Variants in SDK1 observed in about 807,000 individuals in gnomAD.
SDK1 encodes the protein protein sidekick-1.
Under a neutral mutation model 245.5 loss-of-function variants are expected in SDK1, and 157 were observed. That is an observed-to-expected ratio of 0.64 (90% CI 0.56 to 0.73). The LOEUF (loss-of-function observed/expected upper bound fraction) is 0.73, where lower values mean the gene tolerates loss of function less well. Among genes scored for constraint, SDK1 ranks in the 30% least tolerant of loss-of-function variants. SDK1 has a pLI of 0.00. For missense variants in SDK1, 3,583 were observed against 3,002.3 expected, an observed-to-expected ratio of 1.19 and a Z score of -4.52; for synonymous variants, 1,647 against 1,278.5, an observed-to-expected ratio of 1.29 and a Z score of -6.15.
At chr7:3,476,310 T>C (rs976606613) in intron 1 of SDK1, among the ~76,000 whole-genome samples, 1 of 152,192 alleles carries the variant, frequency 6.6e-6, no homozygotes, top group South Asian at 2.1e-4. Flanking sequence ...TGTTTATACA[T>C]AGACAATATT....
At chr7:3,669,411 T>TG (rs1311628031) in intron 4 of SDK1, among the ~76,000 whole-genome samples, 1 of 152,214 alleles carries the variant, frequency 6.6e-6, no homozygotes, top group African/African-American at 2.4e-5. Context: ...GATCTACTTC[T>TG]GCTCCCACCA....
At chr7:3,628,125 G>T (rs1392029356) in intron 2 of SDK1, among the ~76,000 whole-genome samples, 5 of 151,998 alleles carry the variant, frequency 3.3e-5, no homozygotes, top group African/African-American at 1.2e-4. Context: ...TCATTTTCCG[G>T]ATCAAGTTGA....
rs1784175425 is a variant in SDK1 at position 4,205,685 on chromosome 7, G to C, written c.5099-194G>C. On this transcript the variant is annotated intron_variant, in intron 35 of 44. Coordinates refer to ENST00000404826, the MANE Select transcript of SDK1 (RefSeq NM_152744.4). ...GCATAAAAGGGCTGAGAGCTCTTAG[G>C]GGGACACAGAGCCACGGATCCCAGG... Among the ~76,000 whole-genome samples the C allele has an allele frequency of 2.6e-5, 4 of 152,238 alleles. No homozygotes were observed. The South Asian group carries it at 6.2e-4, about 24-fold the overall frequency.
At chr7:4,154,713 A>C (rs1780612597) in intron 30 of SDK1, among the ~76,000 whole-genome samples, 1 of 152,192 alleles carries the variant, frequency 6.6e-6, no homozygotes, top group Admixed American at 6.5e-5. Flanking sequence ...TCCATAGCCG[A>C]ATACAGCAAG....
chr7:3,388,079 G>C (rs1219820705), intron 1 of SDK1, among the ~76,000 whole-genome samples: 2 of 152,092 alleles, frequency 1.3e-5, no homozygotes, highest in African/African-American at 2.4e-5. Context: ...AGGCACTCTG[G>C]GAATCTGGAG....
intron 5 of SDK1, among the ~76,000 whole-genome samples, chr7:3,917,557 G>A (rs1295991189): frequency 6.6e-6 from 1 of 152,140 alleles, no homozygotes; most frequent in Non-Finnish European, 1.5e-5. Context: ...GAGAGCAGAG[G>A]CCTGCTAAGA....
intron 38 of SDK1, 29 bp from the exon 39 acceptor site, chr7:4,220,080 C>A: frequency 1.2e-6 from 2 of 1,607,474 alleles, no homozygotes; most frequent in Non-Finnish European, 1.7e-6. Flanking sequence ...GCTGAACCCC[C>A]TTGTTTCCTT....
rs914771602 is a variant in SDK1, at chr7:4,254,032, G to C, written c.6381+8227G>C. Among the ~76,000 whole-genome samples, 5 of 151,906 alleles carry C rather than the reference G, an allele frequency of 3.3e-5. No individual in the cohort carries two copies. In the South Asian group the frequency reaches 1.0e-3, roughly 32 times the overall value. On this transcript the variant is annotated intron_variant, in intron 44 of 44. Transcript: ENST00000404826. ...TACTCTAGTATTATTATCTACCTCA[G>C]ATTTATAGTACATTTTCATAACTTA...
At chr7:3,544,579 C>A (rs535556474) in intron 1 of SDK1, among the ~76,000 whole-genome samples, 1 of 152,212 alleles carries the variant, frequency 6.6e-6, no homozygotes, top group African/African-American at 2.4e-5. Flanking sequence ...GTCATTGATT[C>A]TAGATTTTAA....
chr7:3,915,434 AT>A (rs1779338442), intron 5 of SDK1, among the ~76,000 whole-genome samples: 1 of 152,202 alleles, frequency 6.6e-6, no homozygotes, highest in Non-Finnish European at 1.5e-5. Flanking sequence ...GGTTTTTCCC[AT>A]GCTGTTCTTG....
At chr7:3,303,833 A>G (rs1779345875) in intron 1 of SDK1, among the ~76,000 whole-genome samples, 1 of 152,128 alleles carries the variant, frequency 6.6e-6, no homozygotes, top group Non-Finnish European at 1.5e-5. Context: ...TGAAAATGAA[A>G]ATTCTGGTGC....
intron 17 of SDK1, among the ~76,000 whole-genome samples, chr7:4,040,135 G>C (rs938425065): frequency 6.6e-6 from 1 of 152,188 alleles, no homozygotes; most frequent in Non-Finnish European, 1.5e-5. Flanking sequence ...CACACTGGGG[G>C]CTGTACCGGG....
At chr7:4,116,521 G>T (rs527375484) in intron 25 of SDK1, among the ~76,000 whole-genome samples, 1 of 152,324 alleles carries the variant, frequency 6.6e-6, no homozygotes, top group East Asian at 1.9e-4. Context: ...GGTCCCGTTG[G>T]TGACAGGTCT....
intron 4 of SDK1, among the ~76,000 whole-genome samples, chr7:3,695,860 T>C (rs1337375172): frequency 6.6e-6 from 1 of 152,184 alleles, no homozygotes; most frequent in African/African-American, 2.4e-5. Flanking sequence ...ATCACCCAAA[T>C]TACCTTATTT....
intron 28 of SDK1, among the ~76,000 whole-genome samples, chr7:4,135,114 AT>A (rs1392628976): frequency 6.6e-6 from 1 of 152,186 alleles, no homozygotes; most frequent in Non-Finnish European, 1.5e-5. Context: ...AGCTGGTTTT[AT>A]CATCTGTCGT....
chr7:3,817,308 C>A (rs1033488047), intron 4 of SDK1, among the ~76,000 whole-genome samples: 2 of 152,174 alleles, frequency 1.3e-5, no homozygotes, highest in African/African-American at 4.8e-5. Context: ...CCTGTTACTT[C>A]TTACAGCTTG....
chr7:3,338,115 A>T (rs1780250718), intron 1 of SDK1: 1 of 195,952 alleles, frequency 5.1e-6, no homozygotes, highest in East Asian at 1.2e-4. Flanking sequence ...ATCTTCTGTT[A>T]ATTTGCCAAA....
intron 1 of SDK1, among the ~76,000 whole-genome samples, chr7:3,503,179 A>G (rs1782273097): frequency 6.6e-6 from 1 of 152,210 alleles, no homozygotes; most frequent in Non-Finnish European, 1.5e-5. Context: ...AATTATACAT[A>G]AATTCAAGGT....
rs1257347355 is a variant in SDK1, at chr7:4,245,667, T to C, written c.6252-9T>C. The C allele has an allele frequency of 1.2e-6, 2 of 1,613,472 alleles. No individual in the cohort carries two copies. The highest frequency in any genetic ancestry group is 1.7e-6 in the Non-Finnish European group (2 of 1,179,722). On this transcript the variant is annotated splice_polypyrimidine_tract_variant and intron_variant, in intron 43 of 44. Coordinates refer to ENST00000404826, the MANE Select transcript of SDK1 (RefSeq NM_152744.4). ...CAGAGGGTAATTGCAGCATGGGTCCTCATCCTAGGTCCCCACCCCGGCCTA... is the reference window on the plus strand; with the variant it reads ...CAGAGGGTAATTGCAGCATGGGTCCCCATCCTAGGTCCCCACCCCGGCCTA...
Sources: allele counts gnomAD v4.1 joint callset (sites outside exome capture counted in the v4.1 genomes callset), GRCh38; gene constraint gnomAD v4.1.1; transcripts MANE v1.5; gene names NCBI Gene and HGNC (gene_info 2026-07-23, HGNC 2026-07-21).